Variants in ZNF44 observed in about 807,000 individuals in gnomAD.
ZNF44 encodes zinc finger protein 44, also known as gonadotropin inducible transcription repressor-2.
A neutral mutation model predicts 11.7 loss-of-function variants in ZNF44; 9 were observed. The ratio of observed to expected loss-of-function variants is 0.77; its 90% CI spans 0.46 to 1.35. The LOEUF is 1.35. Among genes scored for constraint, ZNF44 ranks in the 40% most tolerant of loss-of-function variants. The probability of loss-of-function intolerance (pLI) is 0.00; values close to 1 mark genes in which losing one functional copy is unlikely to be tolerated. For synonymous variants in ZNF44, 224 were observed against 242.7 expected (o/e 0.92, Z 0.72); for missense variants, 696 against 743.1 (o/e 0.94, Z 0.74).
At chr19:12,253,905 G>C (rs1220241047) in intron 5 of ZNF44, among the ~76,000 whole-genome samples, 1 of 152,138 alleles carries the variant, frequency 6.6e-6, no homozygotes, top group Non-Finnish European at 1.5e-5. Context: ...CTTGAACCCG[G>C]GAGGCAGGGG....
rs185523899 is a variant in ZNF44 at position 12,228,398 on chromosome 19, G to A, written n.437-1871C>T. On this transcript the variant is annotated intron_variant and non_coding_transcript_variant, in intron 3 of 3. Transcript: ENST00000597563. ...TAGAGCCTAGGACCTAGACTTCTGT[G>A]CAGATAAGGTCTGGCTTAGTCCAGC... 4.7e-3 allele frequency among the ~76,000 whole-genome samples: 722 copies of A among 152,184 alleles called. 3 individuals are homozygous for A. The highest frequency in any genetic ancestry group is 0.017 in the African/African-American group (688 of 41,522).
At chr19:12,225,280 C>G (rs1120174), downstream of ZNF44, 9,299 of 152,338 alleles carry the variant, frequency 0.061, 967 homozygotes, top group African/African-American at 0.21. Context: ...TAAAAAATCT[C>G]TGAAAAAGGT....
intron 5 of ZNF44, among the ~76,000 whole-genome samples, chr19:12,264,628 C>T (rs1917655096): frequency 6.6e-6 from 1 of 152,130 alleles, no homozygotes; most frequent in Admixed American, 6.6e-5. Flanking sequence ...ACTAGTCAAA[C>T]TATTAATCAT....
At chr19:12,241,385 A>T (rs971708493), upstream of ZNF44, among the ~76,000 whole-genome samples, 1 of 152,182 alleles carries the variant, frequency 6.6e-6, no homozygotes, top group Non-Finnish European at 1.5e-5. Context: ...TTCCACTCCT[A>T]GGTATGTATC....
At chr19:12,288,616 C>T (rs1337433468) in intron 1 of ZNF44, among the ~76,000 whole-genome samples, 3 of 151,232 alleles carry the variant, frequency 2.0e-5, no homozygotes, top group Non-Finnish European at 4.4e-5. Context: ...GTTGCACACG[C>T]CAGTAATCCC....
At position 12,257,065 on chromosome 19, in the gene ZNF44, T is replaced by G. The variant is rs79552318; in HGVS notation, c.1913-6697A>C. 4.7e-3 allele frequency among the ~76,000 whole-genome samples: 717 copies of G among 152,310 alleles called. 2 individuals are homozygous for G. Among genetic ancestry groups the G allele is most frequent in the Non-Finnish European group, 7.4e-3 (505 of 68,032 alleles). The stretch of plus-strand genomic sequence containing the variant: ...CTCCTGAAGAAAGGTAGATAAAATT[T>G]AGATCTTGCCAGCAAAGACTGCAAT... On this transcript the variant is annotated intron_variant and NMD_transcript_variant, in intron 5 of 7. Transcript: ENST00000393337.
Position 12,276,026 on chromosome 19 carries a change from C to A in ZNF44, c.60G>T (p.Leu20Phe). Residue 20 changes from leucine (L) to phenylalanine (F), a missense_variant, in exon 2 of 4, where the codon TTG becomes TTT. By Grantham distance (22) the Leu-to-Phe change is conservative. Transcript: ENST00000355684. ...AGAGATTCTTCTGTGATGGACCCAGCAAAGCCCACTCCTCATGGGTGAAGT... is the reference window on the plus strand; with the variant it reads ...AGAGATTCTTCTGTGATGGACCCAGAAAAGCCCACTCCTCATGGGTGAAGT... ...AVNFTHEEWALLGPSQKNLYR... is the reference protein window; with the variant it reads ...AVNFTHEEWAFLGPSQKNLYR... The A allele has an allele frequency of 1.2e-6, 2 of 1,609,606 alleles. No individual in the cohort carries two copies. Among genetic ancestry groups the A allele is most frequent in the Non-Finnish European group, 1.7e-6 (2 of 1,176,914 alleles).
Position 12,275,995 on chromosome 19 carries a change from C to G in ZNF44, c.91G>C (p.Asp31His). The change falls in exon 2 of 4, where the codon GAT becomes CAT. Residue 31 changes from aspartate (D) to histidine (H), a missense_variant. By Grantham distance (81) the Asp-to-His change is moderately conservative. Transcript: ENST00000355684. ...LGPSQKNLYR[D>H]VMRETIRNLN... ...TTCCTAATGGTTTCTCGCATCACAT[C>G]TCTGTAGAGATTCTTCTGTGATGGA... is the stretch of plus-strand genomic sequence containing the variant. 6.2e-7 allele frequency: 1 copy of G among 1,609,236 alleles called. No homozygotes were observed. Among genetic ancestry groups the G allele is most frequent in the Non-Finnish European group, 8.5e-7 (1 of 1,176,664 alleles).
intron 3 of ZNF44, 23 bp downstream of exon 3, chr19:12,274,950 T>A (rs1967147540): frequency 1.3e-6 from 2 of 1,558,066 alleles, no homozygotes; most frequent in South Asian, 1.2e-5. Flanking sequence ...GGACATCACC[T>A]GTCTCTTATA....
intron 5 of ZNF44, among the ~76,000 whole-genome samples, chr19:12,266,036 G>C (rs989340316): frequency 6.6e-6 from 1 of 152,212 alleles, no homozygotes; most frequent in Non-Finnish European, 1.5e-5. Flanking sequence ...GAGCTGCCCA[G>C]AGAGGGCTCT....
rs1967082933 is a variant in ZNF44 at position 12,273,725 on chromosome 19, G to A, written c.530C>T (p.Thr177Ile). The change falls in exon 4 of 4, where the codon ACC becomes ATC. Residue 177 changes from threonine to isoleucine, a missense_variant. By Grantham distance (89) the Thr-to-Ile change is moderately conservative (BLOSUM62 -1). Transcript: ENST00000355684. ...KPYDCKECGK[T>I]FSSPGNLRRH... Reference sequence around the variant, plus strand: ...TCGAAGGTTTCCAGGAGAACTGAAGGTTTTTCCACATTCCTTACAATCATA... The same window carrying A: ...TCGAAGGTTTCCAGGAGAACTGAAGATTTTTCCACATTCCTTACAATCATA... The A allele has an allele frequency of 5.6e-6, 9 of 1,613,996 alleles. No individual in the cohort carries two copies. In the South Asian group the frequency reaches 9.9e-5, roughly 18 times the overall value.
chr19:12,278,632 TAGG>T (rs1461625709), intron 1 of ZNF44, among the ~76,000 whole-genome samples: 1 of 151,362 alleles, frequency 6.6e-6, no homozygotes, highest in Non-Finnish European at 1.5e-5. Flanking sequence ...CTCAGGAAAG[TAGG>T]AGAATTGCTT....
intron 1 of ZNF44, among the ~76,000 whole-genome samples, chr19:12,276,484 C>T (rs1016541428): frequency 4.6e-5 from 7 of 152,150 alleles, no homozygotes; most frequent in African/African-American, 7.2e-5. Flanking sequence ...TTGAACCTTT[C>T]GTGGTGTCTA....
intron 5 of ZNF44, among the ~76,000 whole-genome samples, chr19:12,256,349 C>G (rs1437497845): frequency 6.6e-6 from 1 of 151,976 alleles, no homozygotes; most frequent in Admixed American, 6.6e-5. Context: ...ATTAGCCAGG[C>G]ATGGTGGTGT....
chr19:12,247,575 G>A, downstream of ZNF44: 4 of 1,339,408 alleles, frequency 3.0e-6, no homozygotes, highest in Non-Finnish European at 4.0e-6. Context: ...ACCTGCAAGA[G>A]TAATGTATGT....
At chr19:12,285,489 G>C (rs185752386) in intron 1 of ZNF44, among the ~76,000 whole-genome samples, 216 of 152,186 alleles carry the variant, frequency 1.4e-3, no homozygotes, top group Non-Finnish European at 2.3e-3. Context: ...CCTGACCTCA[G>C]GTGATCCACC....
At chr19:12,241,456 A>G (rs1296302665), upstream of ZNF44, among the ~76,000 whole-genome samples, 3 of 152,222 alleles carry the variant, frequency 2.0e-5, no homozygotes, top group African/African-American at 7.2e-5. Flanking sequence ...CTGGGAGGCC[A>G]AAGTGGGTGG....
chr19:12,238,365 G>T (rs1333840337), upstream of ZNF44, among the ~76,000 whole-genome samples: 1 of 151,732 alleles, frequency 6.6e-6, no homozygotes, highest in Non-Finnish European at 1.5e-5. Context: ...GGTAGCTCAC[G>T]CCTGTAATCC....
chr19:12,279,538 G>A (rs182083594), intron 1 of ZNF44, among the ~76,000 whole-genome samples: 1 of 145,348 alleles, frequency 6.9e-6, no homozygotes, highest in East Asian at 2.0e-4. Context: ...ATGAAAATAC[G>A]ACTCATTAAT....
Sources: allele counts gnomAD v4.1 joint callset (sites outside exome capture counted in the v4.1 genomes callset), GRCh38; gene constraint gnomAD v4.1.1; transcripts MANE v1.5; gene names NCBI Gene and HGNC (gene_info 2026-07-23, HGNC 2026-07-21).